The following NFIC variants were observed in gnomAD, a reference collection of about 807,000 sequenced individuals.
NFIC encodes the protein nuclear factor 1 C-type.
A neutral mutation model predicts 54.4 loss-of-function variants in NFIC; 12 were observed. The observed-to-expected ratio is 0.22, with a 90% CI of 0.14 to 0.36. The LOEUF (loss-of-function observed/expected upper bound fraction) is 0.36. Among genes scored for constraint, NFIC ranks in the 10% least tolerant of loss-of-function variants. NFIC has a pLI of 1.00. For synonymous variants in NFIC, 322 were observed against 319.2 expected, an observed-to-expected ratio of 1.01 and a Z score of -0.09; for missense variants, 575 against 718.2, an observed-to-expected ratio of 0.80 and a Z score of 2.28.
rs1422432658 is a variant in NFIC at position 3,369,097 on chromosome 19, A to G, written c.30+2431A>G. On this transcript the variant is annotated intron_variant, in intron 1 of 10. Transcript: ENST00000443272. This position sits in a 1 kb window ranked among gnomAD's most constrained non-coding sequence, Gnocchi z 4.3. Reference sequence around the variant, plus strand: ...GTCTCTGTCTCTTCATGTCTATCTCACCATCCCTTTCTCCTCTTTGTCTCT... The same window carrying G: ...GTCTCTGTCTCTTCATGTCTATCTCGCCATCCCTTTCTCCTCTTTGTCTCT... Among the ~76,000 whole-genome samples, 1 of 149,478 alleles carries G rather than the reference A, an allele frequency of 6.7e-6. No homozygotes were observed. The highest frequency in any genetic ancestry group is 2.0e-4 in the East Asian group (1 of 5,036).
At chr19:3,386,160 GTGA>G (rs2081292860) in intron 2 of NFIC, among the ~76,000 whole-genome samples, 1 of 151,874 alleles carries the variant, frequency 6.6e-6, no homozygotes, top group South Asian at 2.1e-4. Flanking sequence ...GCCAAGGCAG[GTGA>G]CTCTCCTGAG....
intron 6 of NFIC, among the ~76,000 whole-genome samples, chr19:3,448,569 T>C (rs2082407225): frequency 2.0e-5 from 3 of 152,162 alleles, no homozygotes. Flanking sequence ...TCCTCCCGCG[T>C]GGACGAGGGA....
intron 6 of NFIC, among the ~76,000 whole-genome samples, chr19:3,448,538 C>T (rs576989646): frequency 5.3e-5 from 8 of 152,284 alleles, no homozygotes; most frequent in African/African-American, 1.9e-4. Flanking sequence ...CTCATTTCAG[C>T]CCCAGGGAGG....
chr19:3,361,744 C>T (rs1030323952), upstream of NFIC, among the ~76,000 whole-genome samples: 1 of 152,086 alleles, frequency 6.6e-6, no homozygotes, highest in African/African-American at 2.4e-5. Flanking sequence ...CTCCGCACTC[C>T]CGGAGGGACG....
intron 2 of NFIC, among the ~76,000 whole-genome samples, chr19:3,392,656 C>G (rs1203664632): frequency 6.6e-6 from 1 of 152,216 alleles, no homozygotes; most frequent in African/African-American, 2.4e-5. Context: ...AGTTGTCACC[C>G]TGGCCCTGTG....
At chr19:3,419,530 A>G (rs2081920032) in intron 2 of NFIC, among the ~76,000 whole-genome samples, 1 of 152,106 alleles carries the variant, frequency 6.6e-6, no homozygotes. Flanking sequence ...GCACTTTGGG[A>G]GGCTGAGGCA....
At chr19:3,376,586 T>C (rs1476151979) in intron 1 of NFIC, among the ~76,000 whole-genome samples, 2 of 151,814 alleles carry the variant, frequency 1.3e-5, no homozygotes, top group Non-Finnish European at 2.9e-5. Context: ...AAATAAAAAT[T>C]AGCCAGACAT....
intron 3 of NFIC, among the ~76,000 whole-genome samples, chr19:3,427,655 C>T (rs532956747): frequency 2.0e-5 from 3 of 148,372 alleles, no homozygotes; most frequent in East Asian, 2.0e-4. Flanking sequence ...ATGGTGAAAC[C>T]GTCTCTACTA....
chr19:3,365,041 G>T (rs368136532), upstream of NFIC, among the ~76,000 whole-genome samples: 4 of 152,150 alleles, frequency 2.6e-5, no homozygotes, highest in Admixed American at 2.0e-4. Flanking sequence ...TAATGTCACC[G>T]TCATGCAGAG....
intron 2 of NFIC, among the ~76,000 whole-genome samples, chr19:3,402,095 A>C (rs1195094146): frequency 1.3e-5 from 2 of 149,814 alleles, no homozygotes; most frequent in Non-Finnish European, 3.0e-5. Context: ...ACCCAGGCTG[A>C]AGTGCAGTGG....
chr19:3,369,705 G>A lies in NFIC; in HGVS notation c.30+3039G>A, dbSNP rs994754537. Among the ~76,000 whole-genome samples, 7 of 150,784 alleles carry A rather than the reference G, an allele frequency of 4.6e-5. No individual in the cohort carries two copies. Among genetic ancestry groups the A allele is most frequent in the South Asian group, 4.2e-4 (2 of 4,734 alleles). On this transcript the variant is annotated intron_variant, in intron 1 of 10. Transcript: ENST00000443272. The surrounding 1 kb of genome is among the most constrained non-coding windows in gnomAD (Gnocchi z 4.3). The stretch of plus-strand genomic sequence containing the variant: ...GCCCATGGCTCCCATAAATCCTGCC[G>A]GCGGGAAGGCCGGCCTCCCCGCGCC...
intron 1 of NFIC, among the ~76,000 whole-genome samples, chr19:3,381,157 G>A (rs1047118479): frequency 5.3e-5 from 8 of 152,096 alleles, no homozygotes; most frequent in South Asian, 2.1e-4. Context: ...TGGGGAGGCC[G>A]AGAGCCGAGG....
intron 6 of NFIC, among the ~76,000 whole-genome samples, chr19:3,448,233 C>T (rs1012878431): frequency 1.3e-5 from 2 of 152,194 alleles, no homozygotes; most frequent in Non-Finnish European, 2.9e-5. Context: ...CCACCACACC[C>T]ACCTAATTTT....
chr19:3,407,592 G>T (rs2081674411), intron 2 of NFIC, among the ~76,000 whole-genome samples: 2 of 151,958 alleles, frequency 1.3e-5, no homozygotes, highest in Non-Finnish European at 1.5e-5. Flanking sequence ...GCACCACCAC[G>T]CCTGGCTAAT....
chr19:3,420,641 G>A (rs547139145), intron 2 of NFIC, among the ~76,000 whole-genome samples: 1 of 152,024 alleles, frequency 6.6e-6, no homozygotes, highest in African/African-American at 2.4e-5. Flanking sequence ...TAATCAAATA[G>A]CAATAGTAGT....
chr19:3,449,565 G>C (rs1180251280), intron 7 of NFIC, among the ~76,000 whole-genome samples: 1 of 151,974 alleles, frequency 6.6e-6, no homozygotes, highest in Non-Finnish European at 1.5e-5. Flanking sequence ...TTTGAGACCA[G>C]CCTGGCCAAC....
chr19:3,463,033 CGG>C lies in NFIC; in HGVS notation c.*266_*267del. The C allele has an allele frequency of 7.5e-7, 1 of 1,340,840 alleles. No individual in the cohort carries two copies. The highest frequency in any genetic ancestry group is 9.5e-7 in the Non-Finnish European group (1 of 1,049,630). 83.1% of individuals were successfully genotyped at this position (1,340,840 alleles called of 1,614,324 possible). A position where few individuals can be genotyped will look rare whatever the true frequency, so the allele number is the denominator to read the frequency against. ...GTAAAGACGCAACGTTTCCAACTCT[CGG>C]GACGCCAAGGCCGCAGGACTGGAGG... On this transcript the variant is annotated 3_prime_UTR_variant, in exon 11 of 11. Transcript: ENST00000443272.
upstream of NFIC, chr19:3,366,551 G>T: frequency 3.3e-6 from 2 of 613,752 alleles, no homozygotes; most frequent in Non-Finnish European, 2.4e-6. Flanking sequence ...GGGGGTTGGG[G>T]GGGGCGGGGG....
At chr19:3,420,047 G>A (rs13382073) in intron 2 of NFIC, among the ~76,000 whole-genome samples, 18,115 of 151,704 alleles carry the variant, frequency 0.12, 1,862 homozygotes, top group African/African-American at 0.27. Context: ...GAGGCTGGAC[G>A]TGGTAGCTCA....
Sources: gnomAD v4.1 joint callset for allele counts (sites outside exome capture counted in the v4.1 genomes callset) on GRCh38, gnomAD v4.1.1 for gene constraint, Gnocchi (gnomAD v3.1) non-coding constraint, MANE v1.5 for transcripts, NCBI Gene and HGNC (gene_info 2026-07-23, HGNC 2026-07-21) for gene names.